GABRA2: variants seen among roughly 807,000 people sequenced by gnomAD.
The protein encoded by GABRA2 is gamma-aminobutyric acid type A receptor subunit alpha2.
Under a neutral mutation model 48.7 loss-of-function variants are expected in GABRA2, and 16 were observed. The ratio of observed to expected loss-of-function variants is 0.33; its 90% CI spans 0.22 to 0.50. GABRA2 has a LOEUF of 0.50. GABRA2 is among the 20% of genes least tolerant of loss of function. The probability of loss-of-function intolerance (pLI) is 0.98; values close to 1 mark genes in which losing one functional copy is unlikely to be tolerated. For synonymous variants in GABRA2, 185 were observed against 184.5 expected (o/e 1.00, Z -0.02); for missense variants, 275 against 535.6 (o/e 0.51, Z 4.80).
Position 46,247,672 on chromosome 4 carries a change from T to C in GABRA2, c.*2636A>G, listed in dbSNP as rs1013785624. Among the ~76,000 whole-genome samples the C allele has an allele frequency of 4.0e-5, 6 of 151,202 alleles. No individual in the cohort carries two copies. Among genetic ancestry groups the C allele is most frequent in the East Asian group, 2.0e-4 (1 of 5,122 alleles). On this transcript the variant is annotated 3_prime_UTR_variant, in exon 10 of 10. Transcript: ENST00000381620. ...GAGATCAGTGTTAGTATATATAAAA[T>C]GTATTTTCTGAAAAATTGGCCTTAT...
At position 46,312,051 on chromosome 4, in the gene GABRA2, A is replaced by C. The variant is rs1464255118; in HGVS notation, c.476+445T>G. Among the ~76,000 whole-genome samples the C allele has an allele frequency of 2.0e-5, 3 of 152,316 alleles. No individual in the cohort carries two copies. The East Asian group carries it at 5.8e-4, about 29-fold the overall frequency. ...GAAGCGGAGGTTGAAGTGAGTCGAG[A>C]TTGCACCACTGCACTCCAGCCTGGG... On this transcript the variant is annotated intron_variant, in intron 5 of 9. Transcript: ENST00000381620.
chr4:46,293,554 A>C (rs1335728105), intron 8 of GABRA2, among the ~76,000 whole-genome samples: 1 of 152,190 alleles, frequency 6.6e-6, no homozygotes, highest in Non-Finnish European at 1.5e-5. Context: ...GTCTGACTAC[A>C]GTTGGTCCAG....
chr4:46,369,337 A>C (rs946899498), intron 3 of GABRA2, among the ~76,000 whole-genome samples: 2 of 152,162 alleles, frequency 1.3e-5, no homozygotes, highest in African/African-American at 4.8e-5. Flanking sequence ...TTCACATTTT[A>C]TTGGATTCCA....
chr4:46,371,605 C>T (rs562651752), intron 3 of GABRA2, among the ~76,000 whole-genome samples: 6 of 150,656 alleles, frequency 4.0e-5, no homozygotes, highest in Admixed American at 3.3e-4. Flanking sequence ...ATTTTTTTTA[C>T]TCATAGAGGA....
At chr4:46,381,197 G>A (rs901231746) in intron 3 of GABRA2, among the ~76,000 whole-genome samples, 1 of 152,152 alleles carries the variant, frequency 6.6e-6, no homozygotes, top group Non-Finnish European at 1.5e-5. Flanking sequence ...ATAAATATAT[G>A]AGGCCTGTCT....
At chr4:46,334,813 C>T (rs1285802950) in intron 3 of GABRA2, among the ~76,000 whole-genome samples, 1 of 152,104 alleles carries the variant, frequency 6.6e-6, no homozygotes, top group Non-Finnish European at 1.5e-5. Flanking sequence ...ACTTCATAAA[C>T]ATAGCTAAAT....
Position 46,291,873 on chromosome 4 carries a change from G to T in GABRA2, c.856+11587C>A, listed in dbSNP as rs1020503552. On this transcript the variant is annotated intron_variant, in intron 8 of 9. Coordinates refer to ENST00000381620, the MANE Select transcript of GABRA2 (RefSeq NM_000807.4). ...AGAACCCTGACTAATACAGACTTTT[G>T]TGCCAGGAGTGTTTACAGAGAAATA... Among the ~76,000 whole-genome samples, 33 of 151,286 alleles carry T rather than the reference G, an allele frequency of 2.2e-4. No individual in the cohort carries two copies. The Middle Eastern group carries it at 0.014, about 63-fold the overall frequency.
chr4:46,317,347 G>C (rs935138632), intron 4 of GABRA2, among the ~76,000 whole-genome samples: 1 of 151,684 alleles, frequency 6.6e-6, no homozygotes, highest in Non-Finnish European at 1.5e-5. Flanking sequence ...GTATCCATTT[G>C]GGTGCAGGAA....
rs1329718899 is a variant in GABRA2 at position 46,312,563 on chromosome 4, G to A, written c.409C>T (p.His137Tyr). Residue 137 changes from histidine (H) to tyrosine (Y), a missense_variant, in exon 5 of 10, where the codon CAT becomes TAT. Physicochemically the swap from His to Tyr is moderately conservative, Grantham distance 83. This residue lies in a region of GABRA2 where 113 missense variants were observed against 257.1 expected (regional missense o/e 0.44). Transcript: ENST00000381620. The stretch of plus-strand genomic sequence containing the variant: ...AACTTATTTGGCATTGTCATATTAT[G>A]AGCTACTGATTTTTTCCCATTGTGA... ...FFHNGKKSVAHNMTMPNKLLR... is the reference protein window; with the variant it reads ...FFHNGKKSVAYNMTMPNKLLR... 1 of 1,603,276 alleles carries A rather than the reference G, an allele frequency of 6.2e-7. No homozygotes were observed. Among genetic ancestry groups the A allele is most frequent in the Admixed American group, 1.7e-5 (1 of 57,510 alleles).
At chr4:46,271,251 T>C (rs1454538568) in intron 8 of GABRA2, among the ~76,000 whole-genome samples, 9 of 151,846 alleles carry the variant, frequency 5.9e-5, no homozygotes, top group Non-Finnish European at 1.0e-4. Context: ...TCTGATAACA[T>C]GTGTTGGGTT....
intron 3 of GABRA2, among the ~76,000 whole-genome samples, chr4:46,371,894 T>C (rs1714954488): frequency 6.6e-6 from 1 of 152,184 alleles, no homozygotes; most frequent in South Asian, 2.1e-4. Context: ...TTATATTCTT[T>C]ATGAATTTCC....
At chr4:46,291,796 T>TATATAC (rs1292821999) in intron 8 of GABRA2, among the ~76,000 whole-genome samples, 23 of 150,192 alleles carry the variant, frequency 1.5e-4, no homozygotes, top group Admixed American at 4.0e-4. Context: ...TATATACATA[T>TATATAC]ACATATATAT....
intron 3 of GABRA2, among the ~76,000 whole-genome samples, chr4:46,334,606 C>T (rs1180354390): frequency 6.6e-6 from 1 of 152,114 alleles, no homozygotes; most frequent in Non-Finnish European, 1.5e-5. Context: ...ATATGAATGG[C>T]ATTCCCTATA....
intron 4 of GABRA2, among the ~76,000 whole-genome samples, chr4:46,330,866 A>G (rs1251836950): frequency 1.3e-5 from 2 of 151,998 alleles, no homozygotes; most frequent in Non-Finnish European, 2.9e-5. Context: ...TTGATTTTAG[A>G]TAGAAGTTAG....
intron 8 of GABRA2, among the ~76,000 whole-genome samples, chr4:46,300,206 T>C (rs1407116337): frequency 6.6e-6 from 1 of 151,970 alleles, no homozygotes; most frequent in African/African-American, 2.4e-5. Context: ...ACTAATTTAA[T>C]TCCTGACCAT....
chr4:46,350,002 C>T (rs1353102666), intron 3 of GABRA2, among the ~76,000 whole-genome samples: 1 of 151,782 alleles, frequency 6.6e-6, no homozygotes, highest in Non-Finnish European at 1.5e-5. Flanking sequence ...AATTTACCAC[C>T]TATTAAGCAT....
rs1159241063 is a variant in GABRA2 at position 46,310,146 on chromosome 4, AACATG to A, written c.559+22_559+26del. ...ACTTTCCCTGATATTATTGACCCAA[AACATG>A]TAACTTCATCCCTGTACTTACAGCT... On this transcript the variant is annotated intron_variant, in intron 6 of 9. Transcript: ENST00000381620. The A allele has an allele frequency of 1.9e-6, 3 of 1,575,726 alleles. No homozygotes were observed. The Admixed American group carries it at 5.0e-5, about 26-fold the overall frequency.
At chr4:46,260,542 A>C (rs1461616401) in intron 9 of GABRA2, among the ~76,000 whole-genome samples, 1 of 151,894 alleles carries the variant, frequency 6.6e-6, no homozygotes, top group Non-Finnish European at 1.5e-5. Context: ...ATATACGGGA[A>C]TTCATGGCAC....
chr4:46,373,914 C>G lies in GABRA2; in HGVS notation c.187+12160G>C, dbSNP rs144445486. On this transcript the variant is annotated intron_variant, in intron 3 of 9. Transcript: ENST00000381620. ...TAAATCTATCCTCCCATACTCCCCC[C>G]TACCTGACCTGAACACCAGCCTTGC... Among the ~76,000 whole-genome samples the G allele has an allele frequency of 1.5e-4, 23 of 152,276 alleles. 1 individual carries two copies. The East Asian group carries it at 3.9e-3, about 26-fold the overall frequency.
Sources: allele counts gnomAD v4.1 joint callset (sites outside exome capture counted in the v4.1 genomes callset), GRCh38; gene constraint gnomAD v4.1.1; regional missense constraint gnomAD v4.1.1; transcripts MANE v1.5; gene names NCBI Gene and HGNC (gene_info 2026-07-23, HGNC 2026-07-21).